Variants in PRICKLE2 observed in about 807,000 individuals in gnomAD.
PRICKLE2 encodes the protein prickle-like protein 2.
Under a neutral mutation model 81.4 loss-of-function variants are expected in PRICKLE2, and 21 were observed. That is an observed-to-expected ratio of 0.26 (90% CI 0.18 to 0.37). The LOEUF is 0.37. Ranked by LOEUF, PRICKLE2 falls within the 10% of genes least tolerant of loss-of-function variation. The pLI is 1.00. For missense variants in PRICKLE2, 940 were observed against 1,109.0 expected (o/e 0.85, Z 2.16); for synonymous variants, 456 against 421.5 (o/e 1.08, Z -1.00).
At chr3:64,157,805 T>C (rs2107035721) in intron 4 of PRICKLE2, among the ~76,000 whole-genome samples, 2 of 152,238 alleles carry the variant, frequency 1.3e-5, no homozygotes, top group South Asian at 4.1e-4. Flanking sequence ...AGGTGGGACC[T>C]ATACTTTTAT....
rs777982538 is a variant in PRICKLE2, at chr3:64,147,431, G to T, written c.1059C>A (p.Asn353Lys). Residue 353 changes from asparagine (N) to lysine (K), a missense_variant, in exon 7 of 8, where the codon AAC becomes AAA. Physicochemically the swap from Asn to Lys is moderately conservative, Grantham distance 94. Coordinates refer to ENST00000638394, the MANE Select transcript of PRICKLE2 (RefSeq NM_198859.4). The surrounding 1 kb of genome is among the most constrained non-coding windows in gnomAD (Gnocchi z 5.0). ...AACTCACTTGCAGCTGGCTGTGCTG[G>T]TTCAGCATGGGCTCCTCCGTCTTGC... ...NKGKTEEPML[N>K]QHSQLQVSSN... is the part of the protein sequence containing the mutation. 1 of 1,614,256 alleles carries T rather than the reference G, an allele frequency of 6.2e-7. No homozygotes were observed. The highest frequency in any genetic ancestry group is 1.7e-5 in the Admixed American group (1 of 60,036).
At chr3:64,231,687 A>C (rs1411041295) in intron 2 of PRICKLE2, among the ~76,000 whole-genome samples, 1 of 152,220 alleles carries the variant, frequency 6.6e-6, no homozygotes, top group Non-Finnish European at 1.5e-5. Flanking sequence ...ACAGAGGTAC[A>C]AACTAAAATA....
intron 6 of PRICKLE2, among the ~76,000 whole-genome samples, chr3:64,148,008 G>A (rs1433838703): frequency 2.0e-5 from 3 of 152,144 alleles, no homozygotes; most frequent in South Asian, 2.1e-4. Context: ...TAATATTAAC[G>A]TATGATCATG....
At chr3:64,180,627 G>A (rs573052113) in intron 2 of PRICKLE2, among the ~76,000 whole-genome samples, 8 of 152,004 alleles carry the variant, frequency 5.3e-5, no homozygotes, top group African/African-American at 1.7e-4. Context: ...CCACCTCCTG[G>A]GTCCAAGCAA....
chr3:64,099,327 C>A lies in PRICKLE2; in HGVS notation c.2259G>T (p.Ser753=). ...CAAAGGCATTCTGCAAAGCCAGGTCCGACACAGTCCTAGGGCACTGGCCGT... is the reference window on the plus strand; with the variant it reads ...CAAAGGCATTCTGCAAAGCCAGGTCAGACACAGTCCTAGGGCACTGGCCGT... The part of the protein sequence containing the change: ...DLYGQCPRTV[S]DLALQNAFGD... Residue 753 remains serine (S), a synonymous_variant, in exon 8 of 8, where the codon TCG becomes TCT. Transcript: ENST00000638394. This position sits in a 1 kb window ranked among gnomAD's most constrained non-coding sequence, Gnocchi z 4.3. 1 of 1,614,196 alleles carries A rather than the reference C, an allele frequency of 6.2e-7. No homozygotes were observed. Among genetic ancestry groups the A allele is most frequent in the South Asian group, 1.1e-5 (1 of 91,084 alleles).
chr3:64,165,911 A>G (rs988378415), intron 2 of PRICKLE2, among the ~76,000 whole-genome samples: 18 of 151,902 alleles, frequency 1.2e-4, no homozygotes, highest in African/African-American at 4.1e-4. Context: ...AAGGAATACA[A>G]TGGTATTAAA....
chr3:64,161,985 C>T (rs2077742889), intron 3 of PRICKLE2, among the ~76,000 whole-genome samples: 3 of 152,178 alleles, frequency 2.0e-5, no homozygotes, highest in Non-Finnish European at 4.4e-5. Context: ...TAAAGAGGAT[C>T]ATAGCTCTCT....
chr3:64,172,299 A>T (rs907724779), intron 2 of PRICKLE2, among the ~76,000 whole-genome samples: 2 of 152,250 alleles, frequency 1.3e-5, no homozygotes, highest in African/African-American at 4.8e-5. Context: ...TATATGCCCT[A>T]TTAAAAATTC....
At chr3:64,220,686 T>A (rs2078938181) in intron 1 of PRICKLE2, among the ~76,000 whole-genome samples, 1 of 152,160 alleles carries the variant, frequency 6.6e-6, no homozygotes, top group South Asian at 2.1e-4. Context: ...CAATGCTTTG[T>A]CAAACGAGGC....
chr3:64,170,490 C>T (rs1021349618), intron 2 of PRICKLE2, among the ~76,000 whole-genome samples: 1 of 152,238 alleles, frequency 6.6e-6, no homozygotes, highest in Admixed American at 6.5e-5. Context: ...CTTTGTGCCT[C>T]TGCAGTCGAG....
At chr3:64,108,455 T>G (rs2076790115) in intron 7 of PRICKLE2, among the ~76,000 whole-genome samples, 1 of 152,092 alleles carries the variant, frequency 6.6e-6, no homozygotes, top group African/African-American at 2.4e-5. Context: ...GCAGTGGAGC[T>G]TAAACGCCAC....
At position 64,150,970 on chromosome 3, in the gene PRICKLE2, T is replaced by C. The variant is rs565928165; in HGVS notation, c.787+2212A>G. Among the ~76,000 whole-genome samples the C allele has an allele frequency of 1.4e-4, 21 of 152,288 alleles. No homozygotes were observed. The South Asian group carries it at 4.4e-3, about 32-fold the overall frequency. On this transcript the variant is annotated intron_variant, in intron 6 of 7. Transcript: ENST00000638394. The stretch of plus-strand genomic sequence containing the variant: ...CTGCTGTTCGACATCTAAGCGTTCT[T>C]TTTTTATTCCTTCTCTAAGCCCTTT...
At chr3:64,264,599 T>C (rs2079669795) in intron 2 of PRICKLE2, among the ~76,000 whole-genome samples, 1 of 152,222 alleles carries the variant, frequency 6.6e-6, no homozygotes. Flanking sequence ...AGAATTTATC[T>C]AACATCCAAC....
At chr3:64,180,848 C>T (rs1461038757) in intron 2 of PRICKLE2, among the ~76,000 whole-genome samples, 1 of 152,130 alleles carries the variant, frequency 6.6e-6, no homozygotes, top group Non-Finnish European at 1.5e-5. Context: ...ATTTTTATTA[C>T]GTGTTGGGAA....
At chr3:64,133,837 C>T (rs925980601) in intron 7 of PRICKLE2, among the ~76,000 whole-genome samples, 11 of 152,180 alleles carry the variant, frequency 7.2e-5, no homozygotes, top group African/African-American at 2.7e-4. Context: ...CGGGGGTCAA[C>T]ATGGGTCTGG....
At chr3:64,238,351 G>A (rs1055713301) in intron 2 of PRICKLE2, among the ~76,000 whole-genome samples, 20 of 152,000 alleles carry the variant, frequency 1.3e-4, no homozygotes, top group African/African-American at 4.4e-4. Context: ...AGCTGGGCAT[G>A]ATGGTGCCTG....
chr3:64,121,768 T>C (rs2077032359), intron 7 of PRICKLE2, among the ~76,000 whole-genome samples: 1 of 152,192 alleles, frequency 6.6e-6, no homozygotes, highest in African/African-American at 2.4e-5. Flanking sequence ...CTTAGTCAAA[T>C]CTTTGATTTT....
In PRICKLE2 at chr3:64,258,889, G is replaced by GAAAT. The variant is rs1231045065; in HGVS notation, c.129-59923_129-59922insATTT. On this transcript the variant is annotated intron_variant, in intron 2 of 8. Transcript: ENST00000295902. ...AGAAAGAAAGAAAGAAAGAAAGAAA[G>GAAAT]AAAGAAATCAGGAGAGTGGTTAGAA... Among the ~76,000 whole-genome samples, 224 of 141,964 alleles carry GAAAT rather than the reference G, an allele frequency of 1.6e-3. 1 individual carries two copies. Among genetic ancestry groups the GAAAT allele is most frequent in the African/African-American group, 4.9e-3 (174 of 35,790 alleles). The allele number at this position is 141,964 out of a possible 152,430, so 93.1% of individuals were successfully genotyped here.
intron 7 of PRICKLE2, among the ~76,000 whole-genome samples, chr3:64,119,716 A>T (rs1042816619): frequency 6.6e-6 from 1 of 152,226 alleles, no homozygotes; most frequent in Non-Finnish European, 1.5e-5. Context: ...GTATATATCC[A>T]AAAGAAAATA....
Sources: gnomAD v4.1 joint callset for allele counts (sites outside exome capture counted in the v4.1 genomes callset) on GRCh38, gnomAD v4.1.1 for gene constraint, Gnocchi (gnomAD v3.1) non-coding constraint, MANE v1.5 for transcripts, NCBI Gene and HGNC (gene_info 2026-07-23, HGNC 2026-07-21) for gene names.